The following CD38 variants were observed in gnomAD, a reference collection of about 807,000 sequenced individuals.
CD38 encodes the protein CD38 molecule, also known as ADP-ribosyl cyclase/cyclic ADP-ribose hydrolase 1.
In CD38, 31 loss-of-function variants were observed where a neutral mutation model predicts 36.3. The observed-to-expected ratio is 0.85, with a 90% CI of 0.64 to 1.15. CD38 has a LOEUF of 1.15. Ranked by LOEUF, CD38 falls within the 50% of genes most tolerant of loss-of-function variation. CD38 has a pLI of 0.00. For missense variants in CD38, 380 were observed against 371.9 expected, an observed-to-expected ratio of 1.02 and a Z score of -0.18; for synonymous variants, 131 against 135.2, an observed-to-expected ratio of 0.97 and a Z score of 0.22.
chr4:15,817,921 G>A (rs1481391935), intron 2 of CD38, among the ~76,000 whole-genome samples: 1 of 152,086 alleles, frequency 6.6e-6, no homozygotes, highest in Non-Finnish European at 1.5e-5. Context: ...GCACAAAACC[G>A]AGCCGCTGTT....
At chr4:15,793,664 G>A (rs1270563642) in intron 1 of CD38, among the ~76,000 whole-genome samples, 6 of 152,192 alleles carry the variant, frequency 3.9e-5, no homozygotes, top group African/African-American at 1.4e-4. Context: ...ATTGAGAACA[G>A]ATGGTAGCAG....
chr4:15,836,770 G>A (rs1218071715), intron 4 of CD38, among the ~76,000 whole-genome samples: 1 of 152,134 alleles, frequency 6.6e-6, no homozygotes, highest in East Asian at 1.9e-4. Context: ...TCTGTCTTAG[G>A]GGGATTCATG....
intron 1 of CD38, among the ~76,000 whole-genome samples, chr4:15,805,727 T>C (rs1723327427): frequency 6.6e-6 from 1 of 152,244 alleles, no homozygotes; most frequent in African/African-American, 2.4e-5. Context: ...AAGAGTTTTC[T>C]GATTGTAAGA....
At chr4:15,792,385 AAT>A in intron 1 of CD38, among the ~76,000 whole-genome samples, 1 of 130,402 alleles carries the variant, frequency 7.7e-6, no homozygotes, top group Middle Eastern at 3.6e-3. Context: ...GACCCTGCCA[AAT>A]CCCCCTCTGC....
At chr4:15,812,702 A>G (rs1485759098) in intron 1 of CD38, among the ~76,000 whole-genome samples, 1 of 152,194 alleles carries the variant, frequency 6.6e-6, no homozygotes, top group Non-Finnish European at 1.5e-5. Context: ...TCTGTCTCAA[A>G]AAAACAAAAA....
chr4:15,787,064 G>C (rs866333054), intron 1 of CD38, among the ~76,000 whole-genome samples: 1 of 152,168 alleles, frequency 6.6e-6, no homozygotes, highest in African/African-American at 2.4e-5. Context: ...CCTGGAACTC[G>C]CGCTGGCCCA....
In CD38 at chr4:15,834,829, C is replaced by A. The variant is rs138641889; in HGVS notation, c.585+527C>A. On this transcript the variant is annotated intron_variant, in intron 4 of 7. Transcript: ENST00000226279. ...TAAGAGGCATATGTGGGAGTTTATCCCAAGCTGTCTGACTCCAGATTCAGA... is the reference window on the plus strand; with the variant it reads ...TAAGAGGCATATGTGGGAGTTTATCACAAGCTGTCTGACTCCAGATTCAGA... Among the ~76,000 whole-genome samples, 267 of 152,102 alleles carry A rather than the reference C, an allele frequency of 1.8e-3. 1 individual carries two copies. The highest frequency in any genetic ancestry group is 6.3e-3 in the African/African-American group (261 of 41,474).
At position 15,831,369 on chromosome 4, in the gene CD38, A is replaced by G. The variant is rs961483765; in HGVS notation, c.500-2848A>G. ...GGTTTTCTGTGTACTTACTACTGCCAGTGAGTTTTGTACCTTCAGATGATT... is the reference window on the plus strand; with the variant it reads ...GGTTTTCTGTGTACTTACTACTGCCGGTGAGTTTTGTACCTTCAGATGATT... On this transcript the variant is annotated intron_variant, in intron 3 of 7. Transcript: ENST00000226279. Among the ~76,000 whole-genome samples, 34 of 152,282 alleles carry G rather than the reference A, an allele frequency of 2.2e-4. 1 individual carries two copies. The highest frequency in any genetic ancestry group is 1.7e-3 in the South Asian group (8 of 4,820).
At chr4:15,841,875 G>A (rs1406725009) in intron 7 of CD38, among the ~76,000 whole-genome samples, 2 of 122,770 alleles carry the variant, frequency 1.6e-5, no homozygotes, top group Admixed American at 1.5e-4. Context: ...GGCGCACCGC[G>A]AGACTATATC....
intron 2 of CD38, among the ~76,000 whole-genome samples, chr4:15,821,424 A>G (rs1421664064): frequency 6.6e-6 from 1 of 152,148 alleles, no homozygotes; most frequent in African/African-American, 2.4e-5. Context: ...AAAAAAATTA[A>G]TAGAATAGAT....
At chr4:15,784,362 C>T (rs148657449) in intron 1 of CD38, among the ~76,000 whole-genome samples, 3 of 152,264 alleles carry the variant, frequency 2.0e-5, no homozygotes, top group South Asian at 4.2e-4. Context: ...AGAGGGTGCT[C>T]TGGAGAGTGT....
At chr4:15,785,738 TGTCAGGAAAG>T in intron 1 of CD38, among the ~76,000 whole-genome samples, 1 of 152,204 alleles carries the variant, frequency 6.6e-6, no homozygotes, top group Admixed American at 6.5e-5. Context: ...CTCTGAATCC[TGTCAGGAAAG>T]TTCCAGCAAT....
At chr4:15,828,779 G>C (rs1723901128) in intron 3 of CD38, among the ~76,000 whole-genome samples, 1 of 152,120 alleles carries the variant, frequency 6.6e-6, no homozygotes, top group Admixed American at 6.6e-5. Flanking sequence ...CAATGAACAT[G>C]GGGGAGCAGG....
intron 1 of CD38, among the ~76,000 whole-genome samples, chr4:15,787,430 G>A (rs1722862704): frequency 6.6e-6 from 1 of 152,212 alleles, no homozygotes; most frequent in African/African-American, 2.4e-5. Flanking sequence ...TCCTCCACCT[G>A]CCATGCTGGT....
chr4:15,813,815 A>C (rs1257906960), intron 1 of CD38, among the ~76,000 whole-genome samples: 1 of 152,184 alleles, frequency 6.6e-6, no homozygotes, highest in African/African-American at 2.4e-5. Context: ...TCCATGGTGT[A>C]TATGTGCCAC....
intron 1 of CD38, among the ~76,000 whole-genome samples, chr4:15,780,277 C>T (rs1187403406): frequency 6.6e-6 from 1 of 152,142 alleles, no homozygotes; most frequent in African/African-American, 2.4e-5. Flanking sequence ...ATCAGTCTAT[C>T]AGAGGGGATG....
chr4:15,781,779 C>T (rs948878029), intron 1 of CD38, among the ~76,000 whole-genome samples: 9 of 152,330 alleles, frequency 5.9e-5, no homozygotes, highest in East Asian at 1.9e-4. Context: ...TTAATCATCA[C>T]GTACATGTTT....
In CD38 at chr4:15,850,468, TG is replaced by T. The variant is rs1465383317; in HGVS notation, c.*1867del. 1.3e-5 allele frequency: 2 copies of T among 152,204 alleles called. No individual in the cohort carries two copies. The highest frequency in any genetic ancestry group is 4.8e-5 in the African/African-American group (2 of 41,452). 9.4% of individuals were successfully genotyped at this position (152,204 alleles called of 1,614,324 possible). ...CATCATGCTGTCATCTTGAACAAAA[TG>T]CCTAACCTTTCTGAACTTCAACTTC... On this transcript the variant is annotated 3_prime_UTR_variant, in exon 8 of 8. Coordinates refer to ENST00000226279, the MANE Select transcript of CD38 (RefSeq NM_001775.4).
chr4:15,815,408 T>C (rs936382500), intron 1 of CD38, among the ~76,000 whole-genome samples: 2 of 152,180 alleles, frequency 1.3e-5, no homozygotes, highest in African/African-American at 4.8e-5. Context: ...GAGCATGGAA[T>C]TTTTTCTATT....
Sources: gnomAD v4.1 joint callset for allele counts (sites outside exome capture counted in the v4.1 genomes callset) on GRCh38, gnomAD v4.1.1 for gene constraint, MANE v1.5 for transcripts, NCBI Gene and HGNC (gene_info 2026-07-23, HGNC 2026-07-21) for gene names.